The following STK32B variants were observed in gnomAD, a reference collection of about 807,000 sequenced individuals.
The protein encoded by STK32B is serine/threonine kinase 32B.
STK32B carries 43 observed loss-of-function variants against 52.6 expected under a neutral mutation model. That is an observed-to-expected ratio of 0.82 (90% CI 0.64 to 1.05). STK32B has a LOEUF of 1.05. Among genes scored for constraint, STK32B ranks in the 50% least tolerant of loss-of-function variants. STK32B has a pLI of 0.00. For synonymous variants in STK32B, 238 were observed against 204.3 expected, an observed-to-expected ratio of 1.17 and a Z score of -1.41; for missense variants, 621 against 534.6, an observed-to-expected ratio of 1.16 and a Z score of -1.59.
At chr4:5,252,624 A>G (rs554436459) in intron 3 of STK32B, among the ~76,000 whole-genome samples, 1 of 152,148 alleles carries the variant, frequency 6.6e-6, no homozygotes, top group Non-Finnish European at 1.5e-5. Context: ...CCTCTACTCT[A>G]GGCTGTCATT....
chr4:5,328,565 T>A (rs1732023925), intron 3 of STK32B, among the ~76,000 whole-genome samples: 1 of 152,214 alleles, frequency 6.6e-6, no homozygotes, highest in Non-Finnish European at 1.5e-5. Context: ...TCCATGAAGC[T>A]TTGGGTGCTA....
At chr4:5,068,872 C>T (rs373000043) in intron 1 of STK32B, among the ~76,000 whole-genome samples, 2 of 152,062 alleles carry the variant, frequency 1.3e-5, no homozygotes, top group Non-Finnish European at 2.9e-5. Context: ...TTTTCATTAA[C>T]GTATTCATTA....
chr4:5,314,340 G>T (rs1287004190), intron 3 of STK32B, among the ~76,000 whole-genome samples: 2 of 152,278 alleles, frequency 1.3e-5, no homozygotes, highest in Non-Finnish European at 2.9e-5. Flanking sequence ...GTAAGCAGAA[G>T]AATGAACCAT....
At chr4:5,155,270 C>T (rs1717723444) in intron 2 of STK32B, among the ~76,000 whole-genome samples, 1 of 152,174 alleles carries the variant, frequency 6.6e-6, no homozygotes, top group African/African-American at 2.4e-5. Context: ...TTCTCTTCCC[C>T]TTTTCTTTAT....
chr4:5,357,042 T>C (rs1005926310), intron 4 of STK32B, among the ~76,000 whole-genome samples: 50 of 141,838 alleles, frequency 3.5e-4, no homozygotes, highest in African/African-American at 1.1e-3. Context: ...CACACACACA[T>C]ATATACACAC....
At chr4:5,061,325 C>T (rs944456264) in intron 1 of STK32B, among the ~76,000 whole-genome samples, 38 of 152,046 alleles carry the variant, frequency 2.5e-4, no homozygotes, top group African/African-American at 2.4e-5. Context: ...TAGAATTGTC[C>T]GTCGGTTCTC....
intron 3 of STK32B, among the ~76,000 whole-genome samples, chr4:5,289,763 T>A (rs1193904969): frequency 6.7e-6 from 1 of 148,748 alleles, no homozygotes; most frequent in Non-Finnish European, 1.5e-5. Flanking sequence ...CAGGATGGTC[T>A]TGATCTCTTG....
At chr4:5,335,487 G>C (rs1364652113) in intron 4 of STK32B, among the ~76,000 whole-genome samples, 2 of 151,826 alleles carry the variant, frequency 1.3e-5, no homozygotes, top group African/African-American at 2.4e-5. Context: ...CTTCAGTTCT[G>C]CTCTGATTTT....
chr4:5,074,379 C>T (rs964699967), intron 1 of STK32B, among the ~76,000 whole-genome samples: 2 of 151,672 alleles, frequency 1.3e-5, no homozygotes, highest in Admixed American at 6.6e-5. Context: ...ATTTTTTTCC[C>T]CAAATTTTCT....
At chr4:5,333,915 C>T (rs1161613548) in intron 4 of STK32B, among the ~76,000 whole-genome samples, 1 of 152,188 alleles carries the variant, frequency 6.6e-6, no homozygotes, top group Non-Finnish European at 1.5e-5. Flanking sequence ...AGCATGATGC[C>T]TCCAGCTTTG....
At chr4:5,193,842 C>T (rs1056618432) in intron 3 of STK32B, among the ~76,000 whole-genome samples, 8 of 152,226 alleles carry the variant, frequency 5.3e-5, no homozygotes, top group Non-Finnish European at 8.8e-5. Flanking sequence ...GAACTGAAAG[C>T]TTACAGAGAC....
At position 5,372,727 on chromosome 4, in the gene STK32B, G is replaced by GC. The variant is rs796685747; in HGVS notation, c.435-25480_435-25479insC. On this transcript the variant is annotated intron_variant, in intron 4 of 11. Coordinates refer to ENST00000282908, the MANE Select transcript of STK32B (RefSeq NM_018401.3). ...GCCTCAGCAGGAGAAAGTTGGGGGG[G>GC]GGGGCGGTTATTTCAGACTAATAGG... Among the ~76,000 whole-genome samples the GC allele has an allele frequency of 1.6e-3, 239 of 150,158 alleles. 1 individual carries two copies. The highest frequency in any genetic ancestry group is 5.7e-3 in the African/African-American group (233 of 40,596).
intron 1 of STK32B, among the ~76,000 whole-genome samples, chr4:5,072,892 TA>T (rs144584957): frequency 0.021 from 3,125 of 152,254 alleles, 123 homozygotes; most frequent in African/African-American, 0.07. Flanking sequence ...ATTATGTTAA[TA>T]ATTATATGCA....
At chr4:5,062,144 A>G (rs1742240786) in intron 1 of STK32B, among the ~76,000 whole-genome samples, 1 of 152,134 alleles carries the variant, frequency 6.6e-6, no homozygotes, top group South Asian at 2.1e-4. Flanking sequence ...CCTAATCCCC[A>G]TGCTACCTAA....
chr4:5,426,386 T>C (rs1713092257), intron 6 of STK32B, among the ~76,000 whole-genome samples: 1 of 152,112 alleles, frequency 6.6e-6, no homozygotes, highest in Non-Finnish European at 1.5e-5. Context: ...GGAATATATG[T>C]TCAAATCATT....
chr4:5,317,141 T>C (rs1318424934), intron 3 of STK32B, among the ~76,000 whole-genome samples: 2 of 42,012 alleles, frequency 4.8e-5, no homozygotes, highest in East Asian at 9.1e-4. Flanking sequence ...ATATAATATA[T>C]ATGTATAATA....
intron 6 of STK32B, among the ~76,000 whole-genome samples, chr4:5,446,200 A>G (rs1715402345): frequency 6.6e-6 from 1 of 152,238 alleles, no homozygotes; most frequent in Admixed American, 6.5e-5. Context: ...TTGTTCTCAG[A>G]CAGCTCATGG....
At chr4:5,063,583 T>G (rs1416660162) in intron 1 of STK32B, among the ~76,000 whole-genome samples, 6 of 152,188 alleles carry the variant, frequency 3.9e-5, no homozygotes, top group African/African-American at 1.2e-4. Flanking sequence ...CCTCAAGTGA[T>G]CCACCAGCCT....
At chr4:5,466,665 C>T (rs576730851) in intron 9 of STK32B, 38 bp from the exon 10 acceptor site, 6 of 1,589,890 alleles carry the variant, frequency 3.8e-6, no homozygotes, top group Admixed American at 1.8e-5. Flanking sequence ...ATGGGTGGAA[C>T]GCAGACAGAC....
Sources: gnomAD v4.1 joint callset for allele counts (sites outside exome capture counted in the v4.1 genomes callset) on GRCh38, gnomAD v4.1.1 for gene constraint, MANE v1.5 for transcripts, NCBI Gene and HGNC (gene_info 2026-07-23, HGNC 2026-07-21) for gene names.